ZMAT5: variants seen among roughly 807,000 people sequenced by gnomAD.
ZMAT5 encodes zinc finger matrin-type protein 5.
In ZMAT5, 23 loss-of-function variants were observed where a neutral mutation model predicts 28.0. The ratio of observed to expected loss-of-function variants is 0.82; its 90% CI spans 0.59 to 1.16. ZMAT5 has a LOEUF of 1.16. Among genes scored for constraint, ZMAT5 ranks in the 50% most tolerant of loss-of-function variants. ZMAT5 has a pLI of 0.00. For missense variants in ZMAT5, 173 were observed against 212.7 expected, an observed-to-expected ratio of 0.81 and a Z score of 1.16; for synonymous variants, 76 against 84.1, an observed-to-expected ratio of 0.90 and a Z score of 0.52.
At chr22:29,758,098 T>C (rs981964228) in intron 1 of ZMAT5, among the ~76,000 whole-genome samples, 9 of 152,078 alleles carry the variant, frequency 5.9e-5, no homozygotes, top group Non-Finnish European at 1.2e-4. Context: ...GCTGCCACAC[T>C]GTGAGCAGCC....
At chr22:29,744,697 T>G (rs936282199) in intron 2 of ZMAT5, among the ~76,000 whole-genome samples, 1 of 152,190 alleles carries the variant, frequency 6.6e-6, no homozygotes, top group Admixed American at 6.5e-5. Context: ...CCACGTCCGC[T>G]TAGTGGTTCC....
chr22:29,735,048 G>A (rs1004034134), intron 5 of ZMAT5, among the ~76,000 whole-genome samples: 1 of 152,104 alleles, frequency 6.6e-6, no homozygotes, highest in African/African-American at 2.4e-5. Context: ...GCTGGAGAGG[G>A]AGCCAGGAAG....
chr22:29,751,080 G>A (rs993138793), intron 1 of ZMAT5, among the ~76,000 whole-genome samples: 25 of 152,206 alleles, frequency 1.6e-4, no homozygotes, highest in Non-Finnish European at 2.5e-4. Flanking sequence ...GATTGAAATT[G>A]TAAGAGATGA....
At chr22:29,737,901 G>GT (rs2067921355) in intron 5 of ZMAT5, among the ~76,000 whole-genome samples, 1 of 151,744 alleles carries the variant, frequency 6.6e-6, no homozygotes, top group African/African-American at 2.4e-5. Context: ...TCGTCATCAC[G>GT]CCTGTGCAAT....
chr22:29,745,869 C>T (rs759554918), intron 2 of ZMAT5, among the ~76,000 whole-genome samples: 5 of 152,246 alleles, frequency 3.3e-5, no homozygotes, highest in Non-Finnish European at 5.9e-5. Flanking sequence ...GAGCAGAAGC[C>T]CTGGGGCAGC....
chr22:29,740,413 A>G (rs2067950436), intron 4 of ZMAT5, among the ~76,000 whole-genome samples: 1 of 152,076 alleles, frequency 6.6e-6, no homozygotes, highest in South Asian at 2.1e-4. Context: ...CAGGGCTCCC[A>G]GGCAGGAAGC....
At chr22:29,742,948 T>G (rs1601720172) in intron 2 of ZMAT5, among the ~76,000 whole-genome samples, 1 of 152,094 alleles carries the variant, frequency 6.6e-6, no homozygotes, top group East Asian at 1.9e-4. Context: ...TGCACCACCA[T>G]GCCCAGCTAA....
At chr22:29,750,004 A>G (rs1157681628) in intron 1 of ZMAT5, among the ~76,000 whole-genome samples, 1 of 152,194 alleles carries the variant, frequency 6.6e-6, no homozygotes, top group African/African-American at 2.4e-5. Context: ...GCAATGTGAG[A>G]ACGGACTAAT....
At chr22:29,762,198 G>A (rs2068163669) in intron 1 of ZMAT5, among the ~76,000 whole-genome samples, 1 of 152,180 alleles carries the variant, frequency 6.6e-6, no homozygotes, top group South Asian at 2.1e-4. Flanking sequence ...GCTGTAAATA[G>A]GGATGAGTGT....
At chr22:29,761,481 G>A (rs1453561250) in intron 1 of ZMAT5, among the ~76,000 whole-genome samples, 5 of 151,370 alleles carry the variant, frequency 3.3e-5, no homozygotes, top group Non-Finnish European at 3.0e-5. Flanking sequence ...AGCTACTACT[G>A]CTCAAGAGGT....
chr22:29,747,885 G>C (rs376730722), intron 2 of ZMAT5: 2 of 192,786 alleles, frequency 1.0e-5, no homozygotes, highest in Non-Finnish European at 2.2e-5. Context: ...AGCAGTCTGC[G>C]CTGTCAAGGC....
In ZMAT5 at chr22:29,738,355, G is replaced by A. The variant is rs897009890; in HGVS notation, c.358C>T (p.Arg120Trp). Residue 120 changes from arginine (R) to tryptophan (W), a missense_variant, in exon 5 of 6, where the codon CGG becomes TGG. Physicochemically the swap from Arg to Trp is moderately radical, Grantham distance 101. Coordinates refer to ENST00000344318, the MANE Select transcript of ZMAT5 (RefSeq NM_001003692.2). ...CTGCTACTTGGGGCTGAGCTCAGCCGCTTGGCTCTCTTCTCCAGCCAGTCC... is the reference window on the plus strand; with the variant it reads ...CTGCTACTTGGGGCTGAGCTCAGCCACTTGGCTCTCTTCTCCAGCCAGTCC... ...LEDWLEKRAK[R>W]LSSAPSSRAE... 22 of 1,609,566 alleles carry A rather than the reference G, an allele frequency of 1.4e-5. No homozygotes were observed. In the South Asian group the frequency reaches 1.4e-4, roughly 10 times the overall value.
chr22:29,738,839 A>G (rs575660553), intron 4 of ZMAT5, among the ~76,000 whole-genome samples: 16 of 152,214 alleles, frequency 1.1e-4, no homozygotes, highest in African/African-American at 3.1e-4. Flanking sequence ...CCCTGCCTCT[A>G]CTAAAAATAA....
chr22:29,756,344 T>C (rs2068101037), intron 1 of ZMAT5, among the ~76,000 whole-genome samples: 1 of 152,168 alleles, frequency 6.6e-6, no homozygotes, highest in South Asian at 2.1e-4. Context: ...AGGACCCTGT[T>C]CGGAAGGAAG....
chr22:29,739,938 T>A (rs1476217934), intron 4 of ZMAT5, among the ~76,000 whole-genome samples: 1 of 152,200 alleles, frequency 6.6e-6, no homozygotes. Flanking sequence ...GCCCCAGACC[T>A]TCACTGGCTA....
At chr22:29,757,926 A>G (rs1389047849) in intron 1 of ZMAT5, among the ~76,000 whole-genome samples, 1 of 151,896 alleles carries the variant, frequency 6.6e-6, no homozygotes, top group East Asian at 1.9e-4. Flanking sequence ...CTGAGGCAGG[A>G]GAATTGTTTG....
chr22:29,740,620 C>G lies in ZMAT5; in HGVS notation c.271+30G>C, dbSNP rs1349094568. ...GCCCACATGCCCCAGCACCCCACTC[C>G]CGCTTAGCCCAGGGCATCCCGAGAC... is the stretch of plus-strand genomic sequence containing the variant. On this transcript the variant is annotated intron_variant, in intron 4 of 5. Transcript: ENST00000344318. 4 of 1,571,056 alleles carry G rather than the reference C, an allele frequency of 2.5e-6. No homozygotes were observed. In the South Asian group the frequency reaches 4.7e-5, roughly 18 times the overall value.
chr22:29,736,183 G>T (rs1229458367), intron 5 of ZMAT5, among the ~76,000 whole-genome samples: 1 of 152,174 alleles, frequency 6.6e-6, no homozygotes, highest in Non-Finnish European at 1.5e-5. Context: ...TTTTGCACAC[G>T]GGCTGAAGGA....
intron 1 of ZMAT5, among the ~76,000 whole-genome samples, chr22:29,756,343 T>C (rs964688585): frequency 1.3e-5 from 2 of 152,192 alleles, no homozygotes; most frequent in Non-Finnish European, 2.9e-5. Context: ...CAGGACCCTG[T>C]TCGGAAGGAA....
Sources: gnomAD v4.1 joint callset for allele counts (sites outside exome capture counted in the v4.1 genomes callset) on GRCh38, gnomAD v4.1.1 for gene constraint, MANE v1.5 for transcripts, NCBI Gene and HGNC (gene_info 2026-07-23, HGNC 2026-07-21) for gene names.